CSMD1: variants seen among roughly 807,000 people sequenced by gnomAD.
CSMD1 encodes the protein CUB and Sushi multiple domains 1.
CSMD1 carries 213 observed loss-of-function variants against 417.5 expected under a neutral mutation model. That is an observed-to-expected ratio of 0.51 (90% confidence interval 0.46 to 0.57). The LOEUF is 0.57. Among genes scored for constraint, CSMD1 ranks in the 20% least tolerant of loss-of-function variants. The pLI is 0.00. For synonymous variants in CSMD1, 2,862 were observed against 1,736.8 expected (o/e 1.65, Z -16.11); for missense variants, 6,923 against 4,529.7 (o/e 1.53, Z -15.17).
At chr8:4,878,155 T>C (rs1185751219) in intron 1 of CSMD1, among the ~76,000 whole-genome samples, 1 of 152,058 alleles carries the variant, frequency 6.6e-6, no homozygotes, top group Non-Finnish European at 1.5e-5. Flanking sequence ...AAGAAAATTA[T>C]TTTAGAATGA....
At chr8:4,553,960 T>A (rs1797982467) in intron 2 of CSMD1, among the ~76,000 whole-genome samples, 1 of 152,176 alleles carries the variant, frequency 6.6e-6, no homozygotes, top group South Asian at 2.1e-4. Flanking sequence ...ATTTAGCCTG[T>A]CACGCTGATG....
intron 3 of CSMD1, among the ~76,000 whole-genome samples, chr8:4,290,410 A>G (rs1199123293): frequency 6.6e-6 from 1 of 152,244 alleles, no homozygotes; most frequent in Non-Finnish European, 1.5e-5. Context: ...CAGATCAGAA[A>G]GGTCTCTAAC....
chr8:4,321,075 G>C (rs1009122228), intron 3 of CSMD1, among the ~76,000 whole-genome samples: 1 of 152,048 alleles, frequency 6.6e-6, no homozygotes, highest in African/African-American at 2.4e-5. Context: ...ATGAAGTCTT[G>C]TCATACGCTT....
chr8:4,154,109 G>C (rs1020896273), intron 3 of CSMD1, among the ~76,000 whole-genome samples: 2 of 152,190 alleles, frequency 1.3e-5, no homozygotes, highest in African/African-American at 2.4e-5. Context: ...AGAGTCAGGA[G>C]TCTGGCTTCA....
At chr8:3,940,617 T>C (rs1401855756) in intron 5 of CSMD1, among the ~76,000 whole-genome samples, 1 of 151,510 alleles carries the variant, frequency 6.6e-6, no homozygotes, top group Non-Finnish European at 1.5e-5. Flanking sequence ...ACCACAACAC[T>C]GCCAATCAAT....
chr8:3,739,960 G>T (rs1022613612), intron 6 of CSMD1, among the ~76,000 whole-genome samples: 2 of 152,228 alleles, frequency 1.3e-5, no homozygotes, highest in Non-Finnish European at 2.9e-5. Context: ...GCCAGAGTTC[G>T]ATTCTCCTTC....
At chr8:4,168,677 A>T (rs1471699557) in intron 3 of CSMD1, among the ~76,000 whole-genome samples, 1 of 152,244 alleles carries the variant, frequency 6.6e-6, no homozygotes, top group South Asian at 2.1e-4. Context: ...ACATTTTTTA[A>T]AAAATGCTGT....
intron 1 of CSMD1, among the ~76,000 whole-genome samples, chr8:4,761,730 T>C (rs1812081933): frequency 6.6e-6 from 1 of 152,142 alleles, no homozygotes; most frequent in South Asian, 2.1e-4. Flanking sequence ...AGTAATGAAT[T>C]AGGGCAGAAT....
intron 3 of CSMD1, among the ~76,000 whole-genome samples, chr8:4,143,133 C>A (rs10102180): frequency 0.31 from 46,648 of 150,710 alleles, 8,086 homozygotes; most frequent in Middle Eastern, 0.44. Flanking sequence ...TTGGAATTAG[C>A]ATTTCTAGAG....
intron 1 of CSMD1, among the ~76,000 whole-genome samples, chr8:4,960,305 A>G (rs1261368246): frequency 1.3e-5 from 2 of 152,218 alleles, no homozygotes; most frequent in African/African-American, 2.4e-5. Context: ...CGCCCCTGAT[A>G]TATAGACAAG....
At chr8:3,266,062 T>C (rs554762826) in intron 26 of CSMD1, among the ~76,000 whole-genome samples, 4 of 151,900 alleles carry the variant, frequency 2.6e-5, no homozygotes, top group Admixed American at 1.3e-4. Context: ...TTTGAAGTTA[T>C]TACCTTATGA....
chr8:4,171,786 C>G (rs1055665692), intron 3 of CSMD1, among the ~76,000 whole-genome samples: 1 of 152,224 alleles, frequency 6.6e-6, no homozygotes, highest in African/African-American at 2.4e-5. Flanking sequence ...ATCCAATTTA[C>G]TTGAGTAACT....
At chr8:4,853,398 T>A (rs1216271183) in intron 1 of CSMD1, among the ~76,000 whole-genome samples, 1 of 152,192 alleles carries the variant, frequency 6.6e-6, no homozygotes, top group Non-Finnish European at 1.5e-5. Flanking sequence ...CAGGTACAGC[T>A]CATATTGCTG....
At chr8:3,228,955 A>G (rs1399229559) in intron 27 of CSMD1, among the ~76,000 whole-genome samples, 1 of 152,142 alleles carries the variant, frequency 6.6e-6, no homozygotes, top group East Asian at 1.9e-4. Context: ...ATGAAAAGTA[A>G]ACGCAGCACC....
intron 1 of CSMD1, among the ~76,000 whole-genome samples, chr8:4,772,633 A>C (rs1202748217): frequency 6.6e-6 from 1 of 152,190 alleles, no homozygotes; most frequent in East Asian, 1.9e-4. Flanking sequence ...ATAAAGAAAA[A>C]TGTAAAGATG....
intron 3 of CSMD1, among the ~76,000 whole-genome samples, chr8:4,132,968 C>G (rs1462432135): frequency 6.6e-6 from 1 of 152,140 alleles, no homozygotes; most frequent in East Asian, 1.9e-4. Context: ...GAGTCTCGCT[C>G]TGTTATCCAG....
intron 7 of CSMD1, among the ~76,000 whole-genome samples, chr8:3,664,671 G>C (rs977305953): frequency 2.6e-5 from 4 of 152,162 alleles, no homozygotes; most frequent in Non-Finnish European, 4.4e-5. Context: ...CATTGCTTTT[G>C]CATCAAGAAG....
At chr8:4,370,059 C>T (rs1802310858) in intron 3 of CSMD1, among the ~76,000 whole-genome samples, 1 of 151,830 alleles carries the variant, frequency 6.6e-6, no homozygotes, top group African/African-American at 2.4e-5. Flanking sequence ...GTATGTGCTT[C>T]AGTGTGTTTT....
At chr8:3,501,493 G>T (rs910759633) in intron 10 of CSMD1, among the ~76,000 whole-genome samples, 1 of 152,116 alleles carries the variant, frequency 6.6e-6, no homozygotes. Flanking sequence ...ATATAAATCA[G>T]TACCAAGACC....
Sources: gnomAD v4.1 joint callset for allele counts (sites outside exome capture counted in the v4.1 genomes callset) on GRCh38, gnomAD v4.1.1 for gene constraint, MANE v1.5 for transcripts, NCBI Gene and HGNC (gene_info 2026-07-23, HGNC 2026-07-21) for gene names.